The following ACCSL variants were observed in gnomAD, a reference collection of about 807,000 sequenced individuals.
ACCSL encodes probable inactive 1-aminocyclopropane-1-carboxylate synthase-like protein 2.
ACCSL carries 55 observed loss-of-function variants against 61.7 expected under a neutral mutation model. The ratio of observed to expected loss-of-function variants is 0.89; its 90% CI spans 0.72 to 1.12. The LOEUF is 1.12. Among genes scored for constraint, ACCSL ranks in the 50% most tolerant of loss-of-function variants. The pLI is 0.00. For missense variants in ACCSL, 632 were observed against 698.0 expected, an observed-to-expected ratio of 0.91 and a Z score of 1.07; for synonymous variants, 258 against 264.3, an observed-to-expected ratio of 0.98 and a Z score of 0.23.
the ACCSL span, among the ~76,000 whole-genome samples, chr11:44,034,932 T>C: frequency 6.6e-6 from 1 of 152,222 alleles, no homozygotes; most frequent in African/African-American, 2.4e-5. Context: ...CTTCCCATCA[T>C]GCTCATAGTA....
At chr11:44,052,634 T>G in intron 5 of ACCSL, 28 bp from the exon 6 acceptor site, 1 of 1,595,580 alleles carries the variant, frequency 6.3e-7, no homozygotes, top group Non-Finnish European at 8.6e-7. Context: ...GACTTTGGAC[T>G]GATAGCTCTG....
intron 5 of ACCSL, 53 bp downstream of exon 5, chr11:44,051,772 A>G: frequency 6.2e-7 from 1 of 1,603,114 alleles, no homozygotes; most frequent in South Asian, 1.1e-5. Flanking sequence ...CAACACAGGT[A>G]GGAACACACG....
chr11:44,031,931 A>G, the ACCSL span, among the ~76,000 whole-genome samples: 11 of 152,158 alleles, frequency 7.2e-5, no homozygotes, highest in Middle Eastern at 3.4e-3. Context: ...CACCACATTC[A>G]CTTACTCAGG....
the ACCSL span, among the ~76,000 whole-genome samples, chr11:43,989,563 C>T: frequency 8.5e-5 from 13 of 152,362 alleles, no homozygotes; most frequent in African/African-American, 3.1e-4. Flanking sequence ...CCCCTCACTC[C>T]CAGCCCTTCC....
chr11:43,960,433 G>A, the ACCSL span, among the ~76,000 whole-genome samples: 1 of 152,140 alleles, frequency 6.6e-6, no homozygotes, highest in Admixed American at 6.5e-5. Context: ...CTGTCACCCA[G>A]GCTGGAGTGC....
the ACCSL span, among the ~76,000 whole-genome samples, chr11:43,994,445 G>A: frequency 1.3e-5 from 2 of 152,184 alleles, 1 homozygote; most frequent in East Asian, 3.8e-4. Context: ...GGGTTGGAAT[G>A]TCCATGACTT....
At chr11:43,941,572 GC>G in the ACCSL span, among the ~76,000 whole-genome samples, 1 of 152,222 alleles carries the variant, frequency 6.6e-6, no homozygotes, top group Admixed American at 6.5e-5. Flanking sequence ...AGGACATAGG[GC>G]AGGGACTGCC....
the ACCSL span, among the ~76,000 whole-genome samples, chr11:43,980,102 A>G: frequency 6.6e-6 from 1 of 152,164 alleles, no homozygotes; most frequent in Non-Finnish European, 1.5e-5. Context: ...TTTGTAATAA[A>G]TCTCAGTCTT....
At chr11:43,958,609 G>A in the ACCSL span, among the ~76,000 whole-genome samples, 2 of 152,184 alleles carry the variant, frequency 1.3e-5, no homozygotes, top group Non-Finnish European at 2.9e-5. Flanking sequence ...CAGGCAATGT[G>A]AACCCCTTGG....
the ACCSL span, among the ~76,000 whole-genome samples, chr11:44,038,539 CG>C: frequency 6.6e-6 from 1 of 151,932 alleles, no homozygotes; most frequent in Non-Finnish European, 1.5e-5. Flanking sequence ...TGCAAAGGCC[CG>C]GGGGAACAAG....
chr11:44,045,091 C>A (rs541478656), upstream of ACCSL, among the ~76,000 whole-genome samples: 1 of 152,248 alleles, frequency 6.6e-6, no homozygotes, highest in Admixed American at 6.5e-5. Flanking sequence ...GGCAGAAGTC[C>A]AGCTTCTAGG....
the ACCSL span, among the ~76,000 whole-genome samples, chr11:44,031,103 G>T: frequency 6.6e-6 from 1 of 152,154 alleles, no homozygotes; most frequent in South Asian, 2.1e-4. Context: ...AAGGCAGCCT[G>T]CTTCACCTCT....
chr11:43,964,517 C>T, the ACCSL span, among the ~76,000 whole-genome samples: 1 of 151,454 alleles, frequency 6.6e-6, no homozygotes, highest in East Asian at 1.9e-4. Context: ...CTGATGATTT[C>T]CACCAAACAT....
At chr11:43,972,103 A>G in the ACCSL span, among the ~76,000 whole-genome samples, 279 of 152,324 alleles carry the variant, frequency 1.8e-3, 2 homozygotes, top group African/African-American at 6.3e-3. Context: ...AATACTTGTC[A>G]ACTGCATAAG....
In ACCSL at chr11:44,055,229, G is replaced by C. The variant is rs573135717; in HGVS notation, c.1077G>C (p.Glu359Asp). The C allele has an allele frequency of 5.0e-5, 81 of 1,612,284 alleles. 1 individual carries two copies. The South Asian group carries it at 8.6e-4, about 17-fold the overall frequency. ...ATAACCTACATGTGATCATAGATGA[G>C]ATTTACATGCTGTCTGTGTTTGATG... ...KRYNLHVIID[E>D]IYMLSVFDES... Residue 359 changes from glutamate (E) to aspartate (D), a missense_variant, in exon 9 of 14, where the codon GAG becomes GAC. Transcript: ENST00000378832.
chr11:43,942,187 G>C, the ACCSL span: 1 of 154,762 alleles, frequency 6.5e-6, no homozygotes, highest in Non-Finnish European at 1.5e-5. Context: ...GCTGCAAAGA[G>C]AGCTGAGAGC....
At chr11:43,936,888 CT>C in the ACCSL span, among the ~76,000 whole-genome samples, 15 of 152,112 alleles carry the variant, frequency 9.9e-5, no homozygotes, top group Non-Finnish European at 1.8e-4. Context: ...CCACCCCCCC[CT>C]CCTGCCCTCT....
Position 44,048,080 on chromosome 11 carries a change from G to A in ACCSL, c.44G>A (p.Arg15Lys). ...ACCCTTCCTGTGCCCTCTGGTCAGA[G>A]GAGAGGCCGGGTCCCCAGAGACCAC... is the stretch of plus-strand genomic sequence containing the variant. Reference protein sequence around the residue: ...SDTLPVPSGQRRGRVPRDHSI... With the variant: ...SDTLPVPSGQKRGRVPRDHSI... The change falls in exon 1 of 14, where the codon AGG becomes AAG. Residue 15 changes from arginine to lysine, a missense_variant. Coordinates refer to ENST00000378832, the MANE Select transcript of ACCSL (RefSeq NM_001031854.2). 1 of 1,614,140 alleles carries A rather than the reference G, an allele frequency of 6.2e-7. No individual in the cohort carries two copies. Among genetic ancestry groups the A allele is most frequent in the Non-Finnish European group, 8.5e-7 (1 of 1,180,000 alleles).
Position 44,048,159 on chromosome 11 carries a change from G to A in ACCSL, c.123G>A (p.Thr41=), listed in dbSNP as rs377516400. 1.3e-5 allele frequency: 21 copies of A among 1,614,040 alleles called. No individual in the cohort carries two copies. Among genetic ancestry groups the A allele is most frequent in the African/African-American group, 1.1e-4 (8 of 74,920 alleles). The change falls in exon 1 of 14, where the codon ACG becomes ACA. Residue 41 remains threonine (T), a synonymous_variant. Transcript: ENST00000378832. The part of the protein sequence containing the change: ...EITLHLQQAM[T]EHFVQLTSRQ... Reference sequence around the variant, plus strand: ...CGCTGCACTTGCAGCAGGCCATGACGGAGCACTTCGTGCAGCTGACGAGCA... The same window carrying A: ...CGCTGCACTTGCAGCAGGCCATGACAGAGCACTTCGTGCAGCTGACGAGCA...
Sources: gnomAD v4.1 joint callset for allele counts (sites outside exome capture counted in the v4.1 genomes callset) on GRCh38, gnomAD v4.1.1 for gene constraint, MANE v1.5 for transcripts, NCBI Gene and HGNC (gene_info 2026-07-23, HGNC 2026-07-21) for gene names.